Variants in PLEKHM1 observed in about 807,000 individuals in gnomAD.
PLEKHM1 encodes the protein pleckstrin homology domain-containing family M member 1.
In PLEKHM1, 28 loss-of-function variants were observed where a neutral mutation model predicts 94.3. The ratio of observed to expected loss-of-function variants is 0.30; its 90% CI spans 0.22 to 0.41. The LOEUF is 0.41. PLEKHM1 is among the 10% of genes least tolerant of loss of function. The pLI, the probability that PLEKHM1 is intolerant of heterozygous loss-of-function variation, is 1.00. For missense variants in PLEKHM1, 907 were observed against 1,358.6 expected (o/e 0.67, Z 5.22); for synonymous variants, 424 against 581.2 (o/e 0.73, Z 3.89).
At chr17:45,482,724 G>C (rs1274695764) in intron 1 of PLEKHM1, among the ~76,000 whole-genome samples, 199 bp from the exon 2 acceptor site, 2 of 152,178 alleles carry the variant, frequency 1.3e-5, no homozygotes, top group Admixed American at 1.3e-4. Flanking sequence ...CTTAGTCGTT[G>C]GGAGGCAAGG....
rs753533453 is a variant in PLEKHM1, at chr17:45,475,588, C to T, written c.435G>A (p.Leu145=). The T allele has an allele frequency of 3.7e-6, 6 of 1,613,838 alleles. No homozygotes were observed. In the Admixed American group the frequency reaches 1.0e-4, roughly 27 times the overall value. Residue 145 remains leucine (L), a synonymous_variant, in exon 4 of 12, where the codon TTG becomes TTA. Coordinates refer to ENST00000430334, the MANE Select transcript of PLEKHM1 (RefSeq NM_014798.3). ...LKLLLQEQAR[L]HEYYQPTALL... ...GGGCGGTGGGCTGGTAGTACTCATG[C>T]AAGCGGGCCTGCTCCTGCAGCAGCA...
chr17:45,483,229 A>G (rs2052010383), intron 1 of PLEKHM1, among the ~76,000 whole-genome samples: 2 of 152,108 alleles, frequency 1.3e-5, no homozygotes, highest in South Asian at 4.2e-4. Flanking sequence ...AGAATGTGTA[A>G]AATGCCTGTC....
intron 3 of PLEKHM1, chr17:45,476,925 G>C (rs2051759113): frequency 6.6e-6 from 1 of 152,218 alleles, no homozygotes; most frequent in African/African-American, 2.4e-5. Flanking sequence ...CTCAAGGAAA[G>C]ACAGAGTGAG....
intron 4 of PLEKHM1, among the ~76,000 whole-genome samples, chr17:45,471,364 C>A (rs1428696608): frequency 1.4e-5 from 2 of 141,528 alleles, no homozygotes; most frequent in Non-Finnish European, 3.1e-5. Context: ...TAAAATGATG[C>A]AACTACTGCA....
Position 45,468,231 on chromosome 17 carries a change from A to G in PLEKHM1, c.1286T>C (p.Val429Ala). The G allele has an allele frequency of 1.2e-6, 2 of 1,613,176 alleles. No individual in the cohort carries two copies. Among genetic ancestry groups the G allele is most frequent in the South Asian group, 1.1e-5 (1 of 91,008 alleles). The change falls in exon 5 of 12, where the codon GTA (valine) becomes GCA (alanine). Residue 429 changes from valine (V) to alanine (A), a missense_variant. Coordinates refer to ENST00000430334, the MANE Select transcript of PLEKHM1 (RefSeq NM_014798.3). ...CACCGGACTGGTGGGTGAGGAAACT[A>G]CCAGCTTCAGACCAGCTCCGTCATG... ...QAHDGAGLKL[V>A]VSSPTSPKNK...
In PLEKHM1 at chr17:45,436,855, A is replaced by C. The variant is rs1856522404; in HGVS notation, c.*1003T>G. 1 of 453,772 alleles carries C rather than the reference A, an allele frequency of 2.2e-6. No individual in the cohort carries two copies. Among genetic ancestry groups the C allele is most frequent in the Non-Finnish European group, 4.4e-6 (1 of 226,552 alleles). 28.1% of individuals were successfully genotyped at this position (453,772 alleles called of 1,614,324 possible). ...GGACCAGGTCACTTCTCCACAGTGC[A>C]GGGCGTGGCTGCCTGCCCTCTCTGG... On this transcript the variant is annotated 3_prime_UTR_variant, in exon 12 of 12. Coordinates refer to ENST00000430334, the MANE Select transcript of PLEKHM1 (RefSeq NM_014798.3).
intron 3 of PLEKHM1, chr17:45,477,663 C>T (rs2051796319): frequency 1.8e-6 from 1 of 568,510 alleles, no homozygotes; most frequent in African/African-American, 1.9e-5. Flanking sequence ...AGTCTCAAAG[C>T]AGCCACAGGC....
At chr17:45,455,703 G>A (rs927975531) in intron 6 of PLEKHM1, among the ~76,000 whole-genome samples, 2 of 152,016 alleles carry the variant, frequency 1.3e-5, no homozygotes, top group Non-Finnish European at 2.9e-5. Flanking sequence ...CGGAATCCCC[G>A]CCTCTCCCCA....
rs2145203943 is a variant in PLEKHM1 at position 45,450,501 on chromosome 17, C to G, written c.2643+117G>C. ...AACATCACAGTGCCTGAACCAGTGA[C>G]CCTGGCTTCCCTTGTTTAGAGGAGC... On this transcript the variant is annotated intron_variant, in intron 8 of 11. Coordinates refer to ENST00000430334, the MANE Select transcript of PLEKHM1 (RefSeq NM_014798.3). 8 of 1,511,944 alleles carry G rather than the reference C, an allele frequency of 5.3e-6. No homozygotes were observed. In the African/African-American group the frequency reaches 6.9e-5, roughly 13 times the overall value. 93.7% of individuals were successfully genotyped at this position (1,511,944 alleles called of 1,614,324 possible).
rs1304676560 is a variant in PLEKHM1, at chr17:45,440,608, G to A, written c.2838-382C>T. ...AGGAACTGGGCTAAGAGCTTCATAC[G>A]CATTCATTCATTTGATCCTCACAAT... On this transcript the variant is annotated intron_variant, in intron 9 of 11. Coordinates refer to ENST00000430334, the MANE Select transcript of PLEKHM1 (RefSeq NM_014798.3). 3.9e-5 allele frequency among the ~76,000 whole-genome samples: 6 copies of A among 152,344 alleles called. No homozygotes were observed. The South Asian group carries it at 8.3e-4, about 21-fold the overall frequency.
At chr17:45,455,402 T>A (rs1464998017) in intron 6 of PLEKHM1, among the ~76,000 whole-genome samples, 1 of 151,852 alleles carries the variant, frequency 6.6e-6, no homozygotes, top group Non-Finnish European at 1.5e-5. Flanking sequence ...TTCTCACCAC[T>A]CTACCTGCTC....
chr17:45,478,543 C>A (rs2051833382), intron 2 of PLEKHM1, among the ~76,000 whole-genome samples: 2 of 152,132 alleles, frequency 1.3e-5, no homozygotes, highest in South Asian at 2.1e-4. Flanking sequence ...GGGCTTCCCA[C>A]CTTTTTTACA....
intron 5 of PLEKHM1, chr17:45,460,070 G>C (rs1271217818): frequency 6.6e-6 from 1 of 152,040 alleles, no homozygotes; most frequent in Non-Finnish European, 1.5e-5. Context: ...ACCAAGTGAA[G>C]ACAGAGATAC....
chr17:45,438,456 C>T (rs1445002882), intron 11 of PLEKHM1, among the ~76,000 whole-genome samples: 1 of 151,668 alleles, frequency 6.6e-6, no homozygotes, highest in East Asian at 2.0e-4. Flanking sequence ...GGCATGAACC[C>T]GGGAGGCAGA....
Position 45,445,492 on chromosome 17 carries a change from C to T in PLEKHM1, c.2815G>A (p.Ala939Thr), listed in dbSNP as rs369611613. The change falls in exon 9 of 12, where the codon GCC (alanine) becomes ACC (threonine). Residue 939 changes from alanine to threonine, a missense_variant. Ala to Thr is a moderately conservative substitution (Grantham distance 58). Coordinates refer to ENST00000430334, the MANE Select transcript of PLEKHM1 (RefSeq NM_014798.3). This position sits in a 1 kb window ranked among gnomAD's most constrained non-coding sequence, Gnocchi z 4.2. Reference protein sequence around the residue: ...GDYLGLCRSGALKELSKRLNH... With the variant: ...GDYLGLCRSGTLKELSKRLNH... ...CACCTCTTGCTGAGCTCCTTCAGGG[C>T]GCCACTCCGGCACAGGCCCAGGTAA... is the stretch of plus-strand genomic sequence containing the variant. The T allele has an allele frequency of 4.5e-5, 73 of 1,613,850 alleles. No homozygotes were observed. Among genetic ancestry groups the T allele is most frequent in the South Asian group, 1.2e-4 (11 of 91,076 alleles).
chr17:45,469,026 G>T (rs2051414924), intron 4 of PLEKHM1, among the ~76,000 whole-genome samples: 2 of 148,114 alleles, frequency 1.4e-5, no homozygotes, highest in Admixed American at 6.9e-5. Context: ...CCAGGACTCT[G>T]CCCTGGGGCA....
In PLEKHM1 at chr17:45,453,364, A is replaced by T; in HGVS notation, c.2488T>A (p.Phe830Ile). Residue 830 changes from phenylalanine to isoleucine, a missense_variant, in exon 7 of 12, where the codon TTC (phenylalanine) becomes ATC (isoleucine). Transcript: ENST00000430334. This position sits in a 1 kb window ranked among gnomAD's most constrained non-coding sequence, Gnocchi z 4.1. The part of the protein sequence containing the change: ...MEKGLDSQGC[F>I]CAGCSRQIGF... ...CAGAGCAAATCGGCACCTGCGCAGA[A>T]GCAGCCTTGGGAGTCAAGGCCTTTC... is the stretch of plus-strand genomic sequence containing the variant. The T allele has an allele frequency of 6.2e-7, 1 of 1,613,432 alleles. No homozygotes were observed. The highest frequency in any genetic ancestry group is 8.5e-7 in the Non-Finnish European group (1 of 1,179,610).
chr17:45,472,221 T>A (rs574038875), intron 4 of PLEKHM1, among the ~76,000 whole-genome samples: 5 of 152,218 alleles, frequency 3.3e-5, no homozygotes, highest in Non-Finnish European at 7.3e-5. Flanking sequence ...TCTCTGTGGA[T>A]GCTCAAGGAC....
At chr17:45,490,104 G>A (rs899899552) in intron 1 of PLEKHM1, among the ~76,000 whole-genome samples, 7 of 152,096 alleles carry the variant, frequency 4.6e-5, no homozygotes, top group African/African-American at 1.7e-4. Flanking sequence ...GCTCAACAGG[G>A]CACCTACTTT....
Sources: allele counts gnomAD v4.1 joint callset (sites outside exome capture counted in the v4.1 genomes callset), GRCh38; gene constraint gnomAD v4.1.1; non-coding constraint Gnocchi (gnomAD v3.1); transcripts MANE v1.5; gene names NCBI Gene and HGNC (gene_info 2026-07-23, HGNC 2026-07-21).